The following HSD17B12 variants were observed in gnomAD, a reference collection of about 807,000 sequenced individuals.
HSD17B12 encodes the protein hydroxysteroid 17-beta dehydrogenase 12.
A neutral mutation model predicts 39.3 loss-of-function variants in HSD17B12; 32 were observed. The ratio of observed to expected loss-of-function variants is 0.81; its 90% CI spans 0.61 to 1.09. The LOEUF (loss-of-function observed/expected upper bound fraction) is 1.09, where lower values mean the gene tolerates loss of function less well. Among genes scored for constraint, HSD17B12 ranks in the 50% least tolerant of loss-of-function variants. The pLI is 0.00. For synonymous variants in HSD17B12, 150 were observed against 146.7 expected (o/e 1.02, Z -0.16); for missense variants, 342 against 382.9 (o/e 0.89, Z 0.89).
chr11:43,785,143 A>G (rs551492791), intron 3 of HSD17B12, among the ~76,000 whole-genome samples: 15 of 152,076 alleles, frequency 9.9e-5, no homozygotes, highest in African/African-American at 3.4e-4. Context: ...TCTGGTTTAT[A>G]TGCTTAAAGA....
At chr11:43,635,290 G>A in the HSD17B12 span, among the ~76,000 whole-genome samples, 1 of 152,088 alleles carries the variant, frequency 6.6e-6, no homozygotes, top group Non-Finnish European at 1.5e-5. Context: ...TATTTTTTGT[G>A]CATGCACAAG....
the HSD17B12 span, among the ~76,000 whole-genome samples, chr11:43,661,668 G>C: frequency 6.6e-6 from 1 of 152,002 alleles, no homozygotes; most frequent in African/African-American, 2.4e-5. Flanking sequence ...GAGGAAAAAG[G>C]AATCAGAGAT....
intron 9 of HSD17B12, chr11:43,852,071 G>A: frequency 6.6e-6 from 1 of 152,166 alleles, no homozygotes; most frequent in Admixed American, 6.5e-5. Flanking sequence ...AAACCATCGT[G>A]GAAATAAATA....
chr11:43,783,930 C>G (rs1950791300), intron 3 of HSD17B12, among the ~76,000 whole-genome samples: 1 of 152,076 alleles, frequency 6.6e-6, no homozygotes, highest in African/African-American at 2.4e-5. Context: ...TGAAACAAAA[C>G]AAAATATAGT....
intron 9 of HSD17B12, among the ~76,000 whole-genome samples, chr11:43,841,972 G>T (rs370947010): frequency 5.3e-5 from 8 of 152,286 alleles, no homozygotes; most frequent in South Asian, 2.1e-4. Flanking sequence ...GTGTGATGAT[G>T]ATTATTATTA....
chr11:43,606,384 C>T, the HSD17B12 span, among the ~76,000 whole-genome samples: 12 of 152,134 alleles, frequency 7.9e-5, no homozygotes, highest in African/African-American at 2.9e-4. Flanking sequence ...GCTAAGGCTG[C>T]CATTTTGTGG....
intron 1 of HSD17B12, among the ~76,000 whole-genome samples, chr11:43,732,772 CG>C (rs1950281396): frequency 6.6e-6 from 1 of 152,022 alleles, no homozygotes; most frequent in Non-Finnish European, 1.5e-5. Context: ...TTGAAGTTCA[CG>C]TTATTAATTA....
intron 1 of HSD17B12, among the ~76,000 whole-genome samples, chr11:43,701,437 A>G (rs1949963663): frequency 6.6e-6 from 1 of 152,126 alleles, no homozygotes; most frequent in Non-Finnish European, 1.5e-5. Context: ...ATTTTCTCTA[A>G]TGTTTTCTTG....
chr11:43,701,551 T>C (rs1218788488), intron 1 of HSD17B12, among the ~76,000 whole-genome samples: 3 of 152,218 alleles, frequency 2.0e-5, no homozygotes, highest in Non-Finnish European at 4.4e-5. Flanking sequence ...TTTTTCTACA[T>C]ATAACTATCC....
chr11:43,751,816 C>T (rs1950467137), intron 2 of HSD17B12, among the ~76,000 whole-genome samples: 1 of 152,160 alleles, frequency 6.6e-6, no homozygotes, highest in African/African-American at 2.4e-5. Context: ...ATAGACATAA[C>T]AGTTCACCCC....
At chr11:43,846,897 G>A (rs1951481293) in intron 9 of HSD17B12, among the ~76,000 whole-genome samples, 1 of 152,194 alleles carries the variant, frequency 6.6e-6, no homozygotes, top group East Asian at 1.9e-4. Context: ...CATGTCTTCA[G>A]TCAAGAAATA....
rs12294990 is a variant in HSD17B12, at chr11:43,690,361, C to T, written c.160+9374C>T. 3.0e-3 allele frequency among the ~76,000 whole-genome samples: 117 copies of T among 39,394 alleles called. 2 individuals carry two copies. Among genetic ancestry groups the T allele is most frequent in the African/African-American group, 0.014 (114 of 7,972 alleles). 25.8% of individuals were successfully genotyped at this position (39,394 alleles called of 152,430 possible). On this transcript the variant is annotated intron_variant, in intron 1 of 10. Coordinates refer to ENST00000278353, the MANE Select transcript of HSD17B12 (RefSeq NM_016142.3). ...ATATCTGTTAAGTAAGGTATTCATA[C>T]ATATATATATATATATATATATATA...
At chr11:43,654,171 T>C in the HSD17B12 span, among the ~76,000 whole-genome samples, 69 of 152,350 alleles carry the variant, frequency 4.5e-4, no homozygotes, top group Non-Finnish European at 7.3e-4. Context: ...TTTCATGTGT[T>C]TTTTGGCTGC....
the HSD17B12 span, among the ~76,000 whole-genome samples, chr11:43,632,719 C>G: frequency 1.3e-5 from 2 of 152,110 alleles, no homozygotes; most frequent in African/African-American, 4.8e-5. Flanking sequence ...CATGTTGACT[C>G]TATAAACGAT....
chr11:43,820,169 G>A (rs1424911639), intron 6 of HSD17B12, among the ~76,000 whole-genome samples: 9 of 152,178 alleles, frequency 5.9e-5, no homozygotes, highest in Admixed American at 3.3e-4. Flanking sequence ...GTTAGGGCAT[G>A]ACTGGGCAAG....
chr11:43,653,921 G>C, the HSD17B12 span, among the ~76,000 whole-genome samples: 1 of 152,174 alleles, frequency 6.6e-6, no homozygotes, highest in African/African-American at 2.4e-5. Flanking sequence ...GTAATGGGAT[G>C]GTTGGGTCAA....
the HSD17B12 span, among the ~76,000 whole-genome samples, chr11:43,640,001 T>C: frequency 1.3e-5 from 2 of 152,024 alleles, no homozygotes; most frequent in Non-Finnish European, 2.9e-5. Flanking sequence ...GGAGTGAAAA[T>C]TGGTTATGTT....
chr11:43,797,224 G>A (rs186455149), intron 3 of HSD17B12, among the ~76,000 whole-genome samples: 41 of 152,316 alleles, frequency 2.7e-4, no homozygotes, highest in Middle Eastern at 3.4e-3. Context: ...TGCATGCTCT[G>A]TGATGAGCTG....
chr11:43,810,197 T>C (rs1951056892), intron 4 of HSD17B12, among the ~76,000 whole-genome samples: 1 of 152,094 alleles, frequency 6.6e-6, no homozygotes, highest in Non-Finnish European at 1.5e-5. Context: ...ACCAAAAATC[T>C]AATTTTCTGA....
Sources: gnomAD v4.1 joint callset for allele counts (sites outside exome capture counted in the v4.1 genomes callset) on GRCh38, gnomAD v4.1.1 for gene constraint, MANE v1.5 for transcripts, NCBI Gene and HGNC (gene_info 2026-07-23, HGNC 2026-07-21) for gene names.